The following SGSM1 variants were observed in gnomAD, a reference collection of about 807,000 sequenced individuals.
SGSM1 encodes small G protein signaling modulator 1.
A neutral mutation model predicts 133.8 loss-of-function variants in SGSM1; 73 were observed. The ratio of observed to expected loss-of-function variants is 0.55; its 90% CI spans 0.45 to 0.66. The LOEUF is 0.66. Among genes scored for constraint, SGSM1 ranks in the 30% least tolerant of loss-of-function variants. The pLI is 0.00. For missense variants in SGSM1, 1,213 were observed against 1,448.1 expected (o/e 0.84, Z 2.64); for synonymous variants, 563 against 573.0 (o/e 0.98, Z 0.25).
intron 17 of SGSM1, among the ~76,000 whole-genome samples, chr22:24,894,293 C>G (rs1005084687): frequency 4.6e-5 from 7 of 152,028 alleles, no homozygotes; most frequent in Admixed American, 4.6e-4. Context: ...CTTGAGAGGC[C>G]GAGGCAGGAG....
At chr22:24,886,335 A>T (rs1215217224) in intron 15 of SGSM1, among the ~76,000 whole-genome samples, 4 of 151,644 alleles carry the variant, frequency 2.6e-5, no homozygotes, top group Non-Finnish European at 4.4e-5. Context: ...TGGGAGGCGG[A>T]GGTTGCAGTG....
At chr22:24,826,649 A>G (rs1928816038) in intron 2 of SGSM1, among the ~76,000 whole-genome samples, 1 of 152,142 alleles carries the variant, frequency 6.6e-6, no homozygotes, top group African/African-American at 2.4e-5. Flanking sequence ...CATGAGTCCT[A>G]AGGAAGAGTA....
chr22:24,834,622 A>C (rs1264301312), intron 2 of SGSM1, among the ~76,000 whole-genome samples: 3 of 152,192 alleles, frequency 2.0e-5, no homozygotes, highest in Non-Finnish European at 4.4e-5. Flanking sequence ...ATCAAAGATC[A>C]AGGTGTCTAC....
chr22:24,844,832 C>A, intron 2 of SGSM1, 65 bp from the exon 3 acceptor site: 1 of 1,502,594 alleles, frequency 6.7e-7, no homozygotes, highest in Non-Finnish European at 9.2e-7. Context: ...CCTTTTGGGG[C>A]ACCTATACCC....
intron 2 of SGSM1, among the ~76,000 whole-genome samples, chr22:24,811,012 G>A (rs1167040997): frequency 6.6e-6 from 1 of 152,170 alleles, no homozygotes; most frequent in Non-Finnish European, 1.5e-5. Context: ...ATAACATCCA[G>A]GTCGCCCAGT....
Position 24,822,088 on chromosome 22 carries a change from C to CTCTTTTTTTTTTTTTTTTTTTTTTT in SGSM1, c.63+15605_63+15606insCTTTTTTTTTTTTTTTTTTTTTTTT, listed in dbSNP as rs1555920070. Among the ~76,000 whole-genome samples the CTCTTTTTTTTTTTTTTTTTTTTTTT allele has an allele frequency of 2.7e-4, 26 of 96,126 alleles. 2 individuals carry two copies. Among genetic ancestry groups the CTCTTTTTTTTTTTTTTTTTTTTTTT allele is most frequent in the Admixed American group, 5.7e-4 (4 of 6,976 alleles). 63.1% of individuals were successfully genotyped at this position (96,126 alleles called of 152,430 possible). Reference sequence around the variant, plus strand: ...CCATGCTCTACCTGTTCATCTCTCTCTTTTTTTTTTTTTTTTTTTTGAGAC... The same window carrying CTCTTTTTTTTTTTTTTTTTTTTTTT: ...CCATGCTCTACCTGTTCATCTCTCTCTCTTTTTTTTTTTTTTTTTTTTTTTTTTTTTTTTTTTTTTTTTTTGAGAC... On this transcript the variant is annotated intron_variant, in intron 2 of 24. Coordinates refer to ENST00000400358, the MANE Select transcript of SGSM1 (RefSeq NM_001098497.3).
Position 24,893,465 on chromosome 22 carries a change from C to G in SGSM1, c.1805C>G (p.Thr602Ser), listed in dbSNP as rs1932849404. ...CAGATTCATGCCTGCTATGCACAGA[C>G]CATGGCTGAGTGGCTGGGCTGCGAG... ...DEQIHACYAQ[T>S]MAEWLGCEAI... The change falls in exon 17 of 25, where the codon ACC becomes AGC. Residue 602 changes from threonine to serine, a missense_variant. By Grantham distance (58) the Thr-to-Ser change is moderately conservative. Coordinates refer to ENST00000400358, the MANE Select transcript of SGSM1 (RefSeq NM_001098497.3). 1.2e-6 allele frequency: 2 copies of G among 1,613,826 alleles called. No homozygotes were observed. Among genetic ancestry groups the G allele is most frequent in the Non-Finnish European group, 1.7e-6 (2 of 1,179,868 alleles).
intron 16 of SGSM1, among the ~76,000 whole-genome samples, chr22:24,892,712 T>C (rs1932835406): frequency 6.6e-6 from 1 of 151,730 alleles, no homozygotes; most frequent in Non-Finnish European, 1.5e-5. Context: ...GATGAATGAA[T>C]GAGTAAAGAG....
rs1186780770 is a variant in SGSM1 at position 24,905,004 on chromosome 22, C to T, written c.2736-101C>T. ...GCAGGCAGGAGGCTGAGGGAGGGGTCCAGGTGAGGGATTGGGGACCGAAGC... is the reference window on the plus strand; with the variant it reads ...GCAGGCAGGAGGCTGAGGGAGGGGTTCAGGTGAGGGATTGGGGACCGAAGC... On this transcript the variant is annotated intron_variant, in intron 20 of 24. Coordinates refer to ENST00000400358, the MANE Select transcript of SGSM1 (RefSeq NM_001098497.3). The T allele has an allele frequency of 3.3e-6, 3 of 907,920 alleles. No homozygotes were observed. The South Asian group carries it at 4.0e-5, about 12-fold the overall frequency. The allele number at this position is 907,920 out of a possible 1,614,324, so 56.2% of individuals were successfully genotyped here.
chr22:24,900,413 T>TTCTCTCTTTCTCTCTTTCTCTC (rs1555935573), intron 19 of SGSM1, among the ~76,000 whole-genome samples: 7 of 141,930 alleles, frequency 4.9e-5, no homozygotes, highest in African/African-American at 1.8e-4. Context: ...CTTTCTGTAT[T>TTCTCTCTTTCTCTCTTTCTCTC]TTTGAGACAG....
chr22:24,856,237 G>A (rs1930779532), intron 8 of SGSM1, among the ~76,000 whole-genome samples: 2 of 152,184 alleles, frequency 1.3e-5, no homozygotes, highest in African/African-American at 4.8e-5. Flanking sequence ...ATTTCTTGAT[G>A]CTTCCTATGT....
intron 2 of SGSM1, among the ~76,000 whole-genome samples, chr22:24,807,001 C>A (rs547376363): frequency 3.9e-5 from 6 of 152,212 alleles, no homozygotes; most frequent in African/African-American, 1.2e-4. Context: ...GGGACTCCCT[C>A]CCTGAGAGTC....
At chr22:24,813,410 G>A (rs3818061) in intron 2 of SGSM1, among the ~76,000 whole-genome samples, 37,235 of 152,030 alleles carry the variant, frequency 0.24, 5,759 homozygotes, top group East Asian at 0.56. Context: ...GACAGGAAAC[G>A]TCTGCCTTTG....
At chr22:24,812,397 T>C (rs1927806199) in intron 2 of SGSM1, among the ~76,000 whole-genome samples, 1 of 152,148 alleles carries the variant, frequency 6.6e-6, no homozygotes, top group African/African-American at 2.4e-5. Flanking sequence ...AAGGTCCCAC[T>C]GTCAGTCCGT....
chr22:24,823,465 T>G (rs2330927), intron 2 of SGSM1, among the ~76,000 whole-genome samples: 97,737 of 151,756 alleles, frequency 0.64, 31,892 homozygotes, highest in East Asian at 0.92. Flanking sequence ...GCTGGGCGTG[T>G]TGGCAGGTGC....
intron 2 of SGSM1, among the ~76,000 whole-genome samples, chr22:24,830,499 C>G (rs934825820): frequency 1.3e-5 from 2 of 152,116 alleles, no homozygotes; most frequent in Non-Finnish European, 2.9e-5. Flanking sequence ...ATGGGGGCAA[C>G]AGGAAATAGA....
intron 16 of SGSM1, among the ~76,000 whole-genome samples, chr22:24,891,080 G>T (rs555215560): frequency 6.6e-6 from 1 of 152,246 alleles, no homozygotes; most frequent in African/African-American, 2.4e-5. Flanking sequence ...CCTGCCTAAG[G>T]CCTGCCGTCT....
intron 3 of SGSM1, 146 bp from the exon 4 acceptor site, chr22:24,847,488 T>G: frequency 2.0e-6 from 2 of 1,003,082 alleles, no homozygotes; most frequent in Non-Finnish European, 1.4e-6. Flanking sequence ...TATACAAGTG[T>G]GAGCTCCCTG....
intron 2 of SGSM1, among the ~76,000 whole-genome samples, chr22:24,816,566 C>T (rs1928096110): frequency 6.6e-6 from 1 of 152,026 alleles, no homozygotes; most frequent in Non-Finnish European, 1.5e-5. Flanking sequence ...CAGGCATGCA[C>T]CATCATGCCT....
Sources: allele counts gnomAD v4.1 joint callset (sites outside exome capture counted in the v4.1 genomes callset), GRCh38; gene constraint gnomAD v4.1.1; transcripts MANE v1.5; gene names NCBI Gene and HGNC (gene_info 2026-07-23, HGNC 2026-07-21).